TTC27: variants seen among roughly 807,000 people sequenced by gnomAD.
The protein encoded by TTC27 is tetratricopeptide repeat domain 27.
TTC27 carries 79 observed loss-of-function variants against 115.9 expected under a neutral mutation model. The observed-to-expected ratio is 0.68, with a 90% confidence interval of 0.57 to 0.82. The LOEUF is 0.82. Among genes scored for constraint, TTC27 ranks in the 40% least tolerant of loss-of-function variants. TTC27 has a pLI of 0.00. For synonymous variants in TTC27, 401 were observed against 356.0 expected (o/e 1.13, Z -1.42); for missense variants, 1,054 against 993.1 (o/e 1.06, Z -0.82).
chr2:32,735,159 GT>G (rs1438251763), intron 11 of TTC27, among the ~76,000 whole-genome samples: 1 of 152,170 alleles, frequency 6.6e-6, no homozygotes, highest in Non-Finnish European at 1.5e-5. Context: ...TAAACACAGG[GT>G]GAACTAGGAG....
intron 2 of TTC27, among the ~76,000 whole-genome samples, chr2:32,632,985 C>G (rs945683843): frequency 1.3e-5 from 2 of 152,210 alleles, no homozygotes; most frequent in Non-Finnish European, 2.9e-5. Flanking sequence ...TCTCACATCA[C>G]AGCAAGACTG....
chr2:32,650,310 T>G (rs1665050554), intron 5 of TTC27, 77 bp downstream of exon 5: 2 of 1,097,072 alleles, frequency 1.8e-6, no homozygotes, highest in Non-Finnish European at 2.6e-6. Context: ...CTTTTTAGTT[T>G]ATTTTTTGTC....
chr2:32,761,894 GAATA>G (rs68189223), intron 13 of TTC27, among the ~76,000 whole-genome samples: 13,476 of 152,184 alleles, frequency 0.089, 683 homozygotes, highest in Middle Eastern at 0.23. Flanking sequence ...TCAAATGGGT[GAATA>G]AATAGTATCT....
At chr2:32,757,423 C>A (rs1311319653) in intron 12 of TTC27, among the ~76,000 whole-genome samples, 1 of 152,148 alleles carries the variant, frequency 6.6e-6, no homozygotes, top group Non-Finnish European at 1.5e-5. Flanking sequence ...CCCTTTTATT[C>A]CTTGTTCCTT....
chr2:32,716,452 T>G (rs1002917859), intron 10 of TTC27, among the ~76,000 whole-genome samples: 2 of 152,188 alleles, frequency 1.3e-5, no homozygotes, highest in Non-Finnish European at 2.9e-5. Flanking sequence ...TTTTAGCTAT[T>G]TCTTTTTTAG....
At chr2:32,721,860 T>C (rs1488695981) in intron 10 of TTC27, among the ~76,000 whole-genome samples, 1 of 152,158 alleles carries the variant, frequency 6.6e-6, no homozygotes, top group Non-Finnish European at 1.5e-5. Context: ...GGTTTTGAAC[T>C]CCTGGCCCCA....
At chr2:32,764,543 C>G (rs1669558803) in intron 13 of TTC27, among the ~76,000 whole-genome samples, 1 of 152,154 alleles carries the variant, frequency 6.6e-6, no homozygotes, top group Non-Finnish European at 1.5e-5. Flanking sequence ...GCTGACTGAT[C>G]AGTGTGATGG....
chr2:32,811,831 A>G (rs910876007), intron 17 of TTC27, among the ~76,000 whole-genome samples: 1 of 152,170 alleles, frequency 6.6e-6, no homozygotes, highest in South Asian at 2.1e-4. Context: ...TTTTCAAAAC[A>G]CCCACAACAA....
chr2:32,790,706 A>T (rs1213436946), intron 16 of TTC27, among the ~76,000 whole-genome samples: 1 of 151,514 alleles, frequency 6.6e-6, no homozygotes, highest in South Asian at 2.1e-4. Flanking sequence ...ACAATTCCCC[A>T]TTTCCTCCCC....
At chr2:32,721,471 A>G (rs1404993905) in intron 10 of TTC27, among the ~76,000 whole-genome samples, 1 of 152,032 alleles carries the variant, frequency 6.6e-6, no homozygotes, top group Non-Finnish European at 1.5e-5. Context: ...CACCTTCTAC[A>G]GTATCAGGAA....
chr2:32,723,381 G>T (rs1667988777), intron 10 of TTC27, among the ~76,000 whole-genome samples: 1 of 152,108 alleles, frequency 6.6e-6, no homozygotes, highest in African/African-American at 2.4e-5. Flanking sequence ...GAGATTCAGG[G>T]TTAGAGTGTT....
At chr2:32,675,505 A>G (rs1666165210) in intron 8 of TTC27, among the ~76,000 whole-genome samples, 1 of 152,104 alleles carries the variant, frequency 6.6e-6, no homozygotes, top group Non-Finnish European at 1.5e-5. Context: ...AAAGCACAGA[A>G]TTGATTTCAC....
At chr2:32,758,668 T>C (rs947706908) in intron 13 of TTC27, 149 bp downstream of exon 13, 5 of 693,068 alleles carry the variant, frequency 7.2e-6, no homozygotes, top group African/African-American at 5.4e-5. Flanking sequence ...ACTTTTTGCT[T>C]GTTGCAAACT....
chr2:32,641,385 A>G (rs1470582213), intron 4 of TTC27, among the ~76,000 whole-genome samples: 2 of 152,224 alleles, frequency 1.3e-5, no homozygotes, highest in African/African-American at 4.8e-5. Flanking sequence ...GTCTTCCAAT[A>G]AAGCTTTATT....
rs780641876 is a variant in TTC27 at position 32,774,063 on chromosome 2, A to G, written c.1681-3819A>G. Among the ~76,000 whole-genome samples the G allele has an allele frequency of 4.3e-4, 66 of 152,330 alleles. 1 individual carries two copies. The highest frequency in any genetic ancestry group is 6.8e-3 in the Middle Eastern group (2 of 294). On this transcript the variant is annotated intron_variant, in intron 13 of 19. Transcript: ENST00000317907. ...GAATTCACATCAAAGACTTGGTGTG[A>G]AAAAGTGGATATAAAATGTCTCAAT...
chr2:32,757,498 A>G (rs1669273668), intron 12 of TTC27, among the ~76,000 whole-genome samples: 1 of 152,152 alleles, frequency 6.6e-6, no homozygotes, highest in Non-Finnish European at 1.5e-5. Flanking sequence ...CACCTCACAG[A>G]TACGGCGCCT....
intron 13 of TTC27, among the ~76,000 whole-genome samples, chr2:32,764,005 A>C (rs1237759491): frequency 6.6e-6 from 1 of 152,230 alleles, no homozygotes; most frequent in African/African-American, 2.4e-5. Context: ...CTTTTATGCA[A>C]AAATGTAAAA....
intron 10 of TTC27, among the ~76,000 whole-genome samples, chr2:32,732,222 G>C (rs1269481318): frequency 6.6e-6 from 1 of 152,148 alleles, no homozygotes; most frequent in Non-Finnish European, 1.5e-5. Context: ...AAACAGCTTT[G>C]GGCAGCAGCA....
intron 9 of TTC27, among the ~76,000 whole-genome samples, chr2:32,698,818 G>A (rs982995097): frequency 6.6e-6 from 1 of 152,128 alleles, no homozygotes; most frequent in African/African-American, 2.4e-5. Flanking sequence ...ATTTTAAGTA[G>A]TGTTTAAGTT....
Sources: gnomAD v4.1 joint callset for allele counts (sites outside exome capture counted in the v4.1 genomes callset) on GRCh38, gnomAD v4.1.1 for gene constraint, MANE v1.5 for transcripts, NCBI Gene and HGNC (gene_info 2026-07-23, HGNC 2026-07-21) for gene names.